Variants in FARP1 observed in about 807,000 individuals in gnomAD.
FARP1 encodes the protein FERM, ARH/RhoGEF and pleckstrin domain protein 1.
Under a neutral mutation model 128.8 loss-of-function variants are expected in FARP1, and 52 were observed. The ratio of observed to expected loss-of-function variants is 0.40; its 90% CI spans 0.32 to 0.51. The LOEUF (loss-of-function observed/expected upper bound fraction) is 0.51, where lower values mean the gene tolerates loss of function less well. Among genes scored for constraint, FARP1 ranks in the 20% least tolerant of loss-of-function variants. FARP1 has a pLI of 0.45. For missense variants in FARP1, 1,333 were observed against 1,367.9 expected (o/e 0.97, Z 0.40); for synonymous variants, 580 against 551.8 (o/e 1.05, Z -0.72).
At chr13:98,414,399 A>T (rs1461891122) in intron 16 of FARP1, among the ~76,000 whole-genome samples, 1 of 152,182 alleles carries the variant, frequency 6.6e-6, no homozygotes, top group Non-Finnish European at 1.5e-5. Flanking sequence ...GCTGCAGTGA[A>T]GTTAAGCTAA....
chr13:98,384,329 A>C, intron 6 of FARP1: 1 of 181,036 alleles, frequency 5.5e-6, no homozygotes, highest in Non-Finnish European at 1.2e-5. Context: ...GGTCGCTGGG[A>C]TTACAGGTGC....
intron 2 of FARP1, among the ~76,000 whole-genome samples, chr13:98,296,069 C>T (rs576835941): frequency 6.6e-6 from 1 of 152,274 alleles, no homozygotes. Flanking sequence ...GCGACACCAG[C>T]TAACTGCATC....
intron 25 of FARP1, 168 bp from the exon 26 acceptor site, chr13:98,446,498 C>G: frequency 5.9e-6 from 4 of 679,014 alleles, no homozygotes; most frequent in Non-Finnish European, 1.0e-5. Flanking sequence ...ACTTGCCACC[C>G]GGGCCATCAC....
Position 98,169,743 on chromosome 13 carries a change from A to T in FARP1, c.-24+26251A>T, listed in dbSNP as rs940358308. Among the ~76,000 whole-genome samples the T allele has an allele frequency of 2.0e-5, 3 of 152,254 alleles. No homozygotes were observed. In the South Asian group the frequency reaches 6.2e-4, roughly 32 times the overall value. The stretch of plus-strand genomic sequence containing the variant: ...CTTTTTCTCCCTGGAACATTTTAGA[A>T]TCTTAAGATTTTAAAGTGTCACAAC... On this transcript the variant is annotated intron_variant, in intron 1 of 26. Coordinates refer to ENST00000319562, the MANE Select transcript of FARP1 (RefSeq NM_005766.4).
intron 2 of FARP1, chr13:98,333,488 C>CT (rs1257145853): frequency 5.4e-5 from 8 of 147,200 alleles, no homozygotes; most frequent in African/African-American, 2.0e-4. Context: ...CAAAATCTAT[C>CT]TTTGCAGAGT....
intron 1 of FARP1, among the ~76,000 whole-genome samples, chr13:98,202,225 C>T (rs1879997878): frequency 6.6e-6 from 1 of 152,212 alleles, no homozygotes. Context: ...TTTGTGGCAG[C>T]TTCCGGCTCA....
At chr13:98,413,520 C>T (rs1891264180) in intron 16 of FARP1, among the ~76,000 whole-genome samples, 1 of 151,986 alleles carries the variant, frequency 6.6e-6, no homozygotes, top group Non-Finnish European at 1.5e-5. Flanking sequence ...ATTAGCCAGG[C>T]ATAGTGATGC....
At chr13:98,161,699 A>C (rs1203235681) in intron 1 of FARP1, among the ~76,000 whole-genome samples, 1 of 151,982 alleles carries the variant, frequency 6.6e-6, no homozygotes, top group East Asian at 1.9e-4. Context: ...GGCTTTGGGG[A>C]CTATGAAGTC....
intron 23 of FARP1, 100 bp from the exon 24 acceptor site, chr13:98,440,570 G>T: frequency 7.8e-7 from 1 of 1,275,728 alleles, no homozygotes; most frequent in South Asian, 1.4e-5. Context: ...CACAGGTTGT[G>T]ACTGCTGTGA....
At chr13:98,186,960 C>G (rs1376765081) in intron 1 of FARP1, among the ~76,000 whole-genome samples, 2 of 120,898 alleles carry the variant, frequency 1.7e-5, no homozygotes, top group Non-Finnish European at 3.2e-5. Flanking sequence ...CCACTGCACT[C>G]TAGCCTGGGA....
At chr13:98,266,748 G>T (rs1407052536) in intron 2 of FARP1, among the ~76,000 whole-genome samples, 1 of 151,988 alleles carries the variant, frequency 6.6e-6, no homozygotes, top group Admixed American at 6.6e-5. Flanking sequence ...GTGGTGGCTC[G>T]CACCTATAAT....
At chr13:98,438,168 G>A (rs772595239) in intron 19 of FARP1, among the ~76,000 whole-genome samples, 6 of 152,012 alleles carry the variant, frequency 3.9e-5, no homozygotes, top group Non-Finnish European at 8.8e-5. Context: ...GTACAGCCCC[G>A]GGGAGGATGT....
In FARP1 at chr13:98,356,635, T is replaced by TTA. The variant is rs1398261144; in HGVS notation, c.277-8758_277-8757dup. Among the ~76,000 whole-genome samples, 24 of 150,808 alleles carry TTA rather than the reference T, an allele frequency of 1.6e-4. 1 individual carries two copies. In the East Asian group the frequency reaches 4.3e-3, roughly 27 times the overall value. On this transcript the variant is annotated intron_variant, in intron 3 of 26. Transcript: ENST00000319562. ...CCCTTTTAAAATTTTATTTATTTAT[T>TTA]TATTTATTTATTTATTTATTTTTGA...
At chr13:98,336,238 GT>G (rs1389490863) in intron 2 of FARP1, among the ~76,000 whole-genome samples, 3 of 152,102 alleles carry the variant, frequency 2.0e-5, no homozygotes, top group African/African-American at 7.2e-5. Flanking sequence ...TGTTTCTGTT[GT>G]TGTTTTTGTT....
intron 1 of FARP1, among the ~76,000 whole-genome samples, chr13:98,150,817 A>G (rs1328508655): frequency 6.6e-6 from 1 of 152,206 alleles, no homozygotes; most frequent in East Asian, 1.9e-4. Context: ...AAAAGTGTTT[A>G]AGATTATGAT....
intron 19 of FARP1, among the ~76,000 whole-genome samples, chr13:98,437,094 C>T (rs775114443): frequency 5.3e-5 from 8 of 152,108 alleles, no homozygotes; most frequent in Non-Finnish European, 1.2e-4. Flanking sequence ...GTGAAAATGA[C>T]ATAATACATA....
chr13:98,446,300 TG>T, intron 25 of FARP1, 95 bp downstream of exon 25: 1 of 782,666 alleles, frequency 1.3e-6, no homozygotes. Context: ...TCAGGCCTCT[TG>T]GGCTCCAGGT....
chr13:98,205,554 G>A (rs149161290), intron 1 of FARP1, among the ~76,000 whole-genome samples: 2 of 151,930 alleles, frequency 1.3e-5, no homozygotes, highest in Admixed American at 6.6e-5. Flanking sequence ...CACCATGCCC[G>A]GCTAATTTTT....
chr13:98,275,628 C>T lies in FARP1; in HGVS notation c.171+62215C>T, dbSNP rs72655143. Among the ~76,000 whole-genome samples, 458 of 67,016 alleles carry T rather than the reference C, an allele frequency of 6.8e-3. 23 individuals are homozygous for T. Among genetic ancestry groups the T allele is most frequent in the South Asian group, 0.011 (12 of 1,110 alleles). 44.0% of individuals were successfully genotyped at this position (67,016 alleles called of 152,430 possible). On this transcript the variant is annotated intron_variant, in intron 2 of 26. Transcript: ENST00000319562. ...CCCCCCACTTCTTTTCTCTTTCTCTCTTTTTTTTTTTTTTTTTTGCATCTC... is the reference window on the plus strand; with the variant it reads ...CCCCCCACTTCTTTTCTCTTTCTCTTTTTTTTTTTTTTTTTTTTGCATCTC...
Sources: gnomAD v4.1 joint callset for allele counts (sites outside exome capture counted in the v4.1 genomes callset) on GRCh38, gnomAD v4.1.1 for gene constraint, MANE v1.5 for transcripts, NCBI Gene and HGNC (gene_info 2026-07-23, HGNC 2026-07-21) for gene names.